The following ABR variants were observed in gnomAD, a reference collection of about 807,000 sequenced individuals.
ABR encodes active breakpoint cluster region-related protein.
Under a neutral mutation model 107.2 loss-of-function variants are expected in ABR, and 35 were observed. The observed-to-expected ratio is 0.33, with a 90% CI of 0.25 to 0.43. The LOEUF (loss-of-function observed/expected upper bound fraction) is 0.43. ABR is among the 20% of genes least tolerant of loss of function. The pLI, the probability that ABR is intolerant of heterozygous loss-of-function variation, is 1.00. For missense variants in ABR, 815 were observed against 1,115.2 expected (o/e 0.73, Z 3.83); for synonymous variants, 498 against 462.0 (o/e 1.08, Z -1.00).
intron 1 of ABR, among the ~76,000 whole-genome samples, chr17:1,198,373 G>C (rs756937782): frequency 4.0e-5 from 6 of 151,560 alleles, no homozygotes; most frequent in African/African-American, 1.5e-4. Context: ...GTTCTGTCTG[G>C]ACAAGGAGAG....
chr17:1,136,661 C>T (rs916548718), intron 1 of ABR, among the ~76,000 whole-genome samples: 2 of 152,202 alleles, frequency 1.3e-5, no homozygotes, highest in Non-Finnish European at 2.9e-5. Flanking sequence ...GGCTTCTTTC[C>T]TGACCCCTCA....
chr17:1,057,360 G>GC (rs2033431606), intron 12 of ABR, among the ~76,000 whole-genome samples: 1 of 100,074 alleles, frequency 1.0e-5, no homozygotes, highest in Non-Finnish European at 2.2e-5. Flanking sequence ...GTGTGTGTGT[G>GC]TGTGTGGTGT....
intron 1 of ABR, among the ~76,000 whole-genome samples, chr17:1,158,086 C>T (rs77557400): frequency 0.01 from 1,536 of 152,128 alleles, 15 homozygotes; most frequent in African/African-American, 0.035. Context: ...CTGAGTAAGC[C>T]GCCATTTATT....
chr17:1,187,048 G>A (rs776227548), exon 1 of ABR: 3 of 152,506 alleles, frequency 2.0e-5, no homozygotes, highest in Admixed American at 6.5e-5. Flanking sequence ...CCAGGCCTAC[G>A]CTGCTCTGCC....
chr17:1,202,081 C>T (rs1392356713), intron 1 of ABR, among the ~76,000 whole-genome samples: 4 of 152,162 alleles, frequency 2.6e-5, no homozygotes, highest in South Asian at 2.1e-4. Context: ...GAAAGAAGAT[C>T]CATCTAGAAA....
chr17:1,057,665 GTGTGTGTGTGTGTGTGTGTCTC>G (rs1320375042), intron 12 of ABR, among the ~76,000 whole-genome samples: 7 of 17,146 alleles, frequency 4.1e-4, no homozygotes, highest in African/African-American at 5.7e-4. Context: ...GTATGTGTGT[GTGTGTGTGTGTGTGTGTGTCTC>G]TGTGTGTGTG....
intron 1 of ABR, among the ~76,000 whole-genome samples, chr17:1,217,435 C>A (rs1044880323): frequency 4.6e-5 from 7 of 152,238 alleles, no homozygotes; most frequent in Non-Finnish European, 8.8e-5. Flanking sequence ...TGGGGATAAT[C>A]ATAAAATTAA....
chr17:1,071,008 C>CA lies in ABR; in HGVS notation c.895-919dup, dbSNP rs1489221556. ...CGAAACCCCGTCTCTACTAAAAATA[C>CA]AAAAACTAGCCAGACATGGTGACGC... is the stretch of plus-strand genomic sequence containing the variant. On this transcript the variant is annotated intron_variant, in intron 8 of 22. Coordinates refer to ENST00000302538, the MANE Select transcript of ABR (RefSeq NM_021962.5). The surrounding 1 kb of genome is among the most constrained non-coding windows in gnomAD (Gnocchi z 5.1). Among the ~76,000 whole-genome samples the CA allele has an allele frequency of 1.2e-4, 19 of 152,104 alleles. No homozygotes were observed. Among genetic ancestry groups the CA allele is most frequent in the Non-Finnish European group, 1.5e-5 (1 of 68,012 alleles).
intron 16 of ABR, 121 bp from the exon 17 acceptor site, chr17:1,013,285 G>T: frequency 1.0e-6 from 1 of 984,260 alleles, no homozygotes; most frequent in Non-Finnish European, 1.6e-6. Context: ...TGAGCAGCTG[G>T]GATAAGCTGA....
At chr17:1,213,634 AC>A (rs1481896921) in intron 1 of ABR, among the ~76,000 whole-genome samples, 1 of 151,842 alleles carries the variant, frequency 6.6e-6, no homozygotes, top group Non-Finnish European at 1.5e-5. Flanking sequence ...CTCGTGACTC[AC>A]CCGCCTCGGC....
At chr17:1,145,100 G>C (rs962716553) in intron 1 of ABR, among the ~76,000 whole-genome samples, 3 of 152,100 alleles carry the variant, frequency 2.0e-5, no homozygotes, top group Non-Finnish European at 2.9e-5. Flanking sequence ...AGTTCGTTTG[G>C]GTTATCGGTA....
chr17:1,157,905 T>A lies in ABR; in HGVS notation c.61+21762A>T, dbSNP rs757368109. 6.6e-6 allele frequency among the ~76,000 whole-genome samples: 1 copy of A among 152,236 alleles called. No homozygotes were observed. The highest frequency in any genetic ancestry group is 1.5e-5 in the Non-Finnish European group (1 of 68,038). ...TTGGTAGGTCACCTTCTAGAATGGA[T>A]TGAAAAGGATTATCTCGCCTAATAA... is the stretch of plus-strand genomic sequence containing the variant. On this transcript the variant is annotated intron_variant, in intron 1 of 22. Coordinates refer to ENST00000302538, the MANE Select transcript of ABR (RefSeq NM_021962.5). This position sits in a 1 kb window ranked among gnomAD's most constrained non-coding sequence, Gnocchi z 4.7.
intron 10 of ABR, 61 bp from the exon 11 acceptor site, chr17:1,058,928 C>T: frequency 6.3e-7 from 1 of 1,597,690 alleles, no homozygotes; most frequent in African/African-American, 1.3e-5. Flanking sequence ...ACGAGCAGCA[C>T]TAAGCACGAC....
chr17:1,121,927 G>T (rs1216810916), intron 2 of ABR, among the ~76,000 whole-genome samples: 2 of 152,184 alleles, frequency 1.3e-5, no homozygotes, highest in African/African-American at 4.8e-5. Context: ...TCTTGAGATG[G>T]AGTCTCGCTT....
intron 2 of ABR, among the ~76,000 whole-genome samples, chr17:1,124,673 G>A (rs58359802): frequency 6.6e-6 from 1 of 152,102 alleles, no homozygotes; most frequent in African/African-American, 2.4e-5. Flanking sequence ...AACAAGGAGA[G>A]GTGGATGCCA....
chr17:1,100,819 C>A lies in ABR; in HGVS notation c.247-84G>T, dbSNP rs936246095. 11 of 1,300,994 alleles carry A rather than the reference C, an allele frequency of 8.5e-6. No individual in the cohort carries two copies. The East Asian group carries it at 1.4e-4, about 16-fold the overall frequency. The allele number at this position is 1,300,994 out of a possible 1,614,324, so 80.6% of individuals were successfully genotyped here. A position where few individuals can be genotyped will look rare whatever the true frequency, so the allele number is the denominator to read the frequency against. ...GGACGGTCTGCTTCCCTGCCCTTCC[C>A]CCCCGACCTTTATTTTTTTTTTGAG... On this transcript the variant is annotated intron_variant, in intron 2 of 22. Transcript: ENST00000302538.
chr17:1,113,278 A>ATTT lies in ABR; in HGVS notation c.246+11902_246+11904dup, dbSNP rs33922708. ...GGATAACATGGAAACACCTATTGCG[A>ATTT]TTTTTTTTTTTTTTTTTTTTTTTTT... On this transcript the variant is annotated intron_variant, in intron 2 of 22. Transcript: ENST00000302538. Among the ~76,000 whole-genome samples the ATTT allele has an allele frequency of 3.5e-3, 368 of 104,110 alleles. 46 individuals are homozygous for ATTT. The highest frequency in any genetic ancestry group is 0.016 in the Middle Eastern group (3 of 188). 68.3% of individuals were successfully genotyped at this position (104,110 alleles called of 152,430 possible).
chr17:1,038,531 G>A (rs1376590776), intron 16 of ABR, among the ~76,000 whole-genome samples: 4 of 152,238 alleles, frequency 2.6e-5, no homozygotes, highest in East Asian at 1.9e-4. Context: ...CTTTCCTGAA[G>A]CCAGGGCAGC....
At chr17:1,193,988 T>C (rs141061882) in intron 1 of ABR, among the ~76,000 whole-genome samples, 373 of 152,186 alleles carry the variant, frequency 2.5e-3, no homozygotes, top group Admixed American at 4.9e-3. Context: ...GCCCCGCGCC[T>C]GGCCACTGCA....
Sources: gnomAD v4.1 joint callset for allele counts (sites outside exome capture counted in the v4.1 genomes callset) on GRCh38, gnomAD v4.1.1 for gene constraint, Gnocchi (gnomAD v3.1) non-coding constraint, MANE v1.5 for transcripts, NCBI Gene and HGNC (gene_info 2026-07-23, HGNC 2026-07-21) for gene names.